The following PLD1 variants were observed in gnomAD, a reference collection of about 807,000 sequenced individuals.
PLD1 encodes the protein choline phosphatase 1.
A neutral mutation model predicts 137.1 loss-of-function variants in PLD1; 112 were observed. The observed-to-expected ratio is 0.82, with a 90% CI of 0.70 to 0.96. The LOEUF (loss-of-function observed/expected upper bound fraction) is 0.96. Among genes scored for constraint, PLD1 ranks in the 40% least tolerant of loss-of-function variants. PLD1 has a pLI of 0.00. For missense variants in PLD1, 1,321 were observed against 1,342.0 expected, an observed-to-expected ratio of 0.98 and a Z score of 0.24; for synonymous variants, 431 against 454.7, an observed-to-expected ratio of 0.95 and a Z score of 0.66.
intron 23 of PLD1, among the ~76,000 whole-genome samples, chr3:171,624,667 A>C (rs1560154827): frequency 2.0e-5 from 3 of 152,170 alleles, no homozygotes; most frequent in African/African-American, 4.8e-5. Context: ...ACAGTGATTG[A>C]ATAAACGCAA....
Position 171,688,828 on chromosome 3 carries a change from G to T in PLD1, c.1387C>A (p.His463Asn). The change falls in exon 14 of 27, where the codon CAC becomes AAC. Residue 463 changes from histidine to asparagine, a missense_variant. His to Asn is a moderately conservative substitution (Grantham distance 68). Transcript: ENST00000351298. ...HVSSTVYLWA[H>N]HEKLVIIDQS... is the part of the protein sequence containing the mutation. ...TCAATGATGACAAGCTTCTCATGGT[G>T]AGCCCACAAATAGACGGTGGATGAC... The T allele has an allele frequency of 6.2e-7, 1 of 1,614,044 alleles. No individual in the cohort carries two copies. The highest frequency in any genetic ancestry group is 8.5e-7 in the Non-Finnish European group (1 of 1,180,002).
intron 12 of PLD1, among the ~76,000 whole-genome samples, chr3:171,697,190 T>A (rs1411239225): frequency 2.7e-5 from 4 of 150,240 alleles, no homozygotes; most frequent in African/African-American, 9.7e-5. Context: ...GCTTTCTGAA[T>A]CAGCTCTTCC....
intron 21 of PLD1, among the ~76,000 whole-genome samples, chr3:171,650,865 C>G (rs973070421): frequency 1.8e-4 from 27 of 151,644 alleles, no homozygotes; most frequent in African/African-American, 6.5e-4. Flanking sequence ...CGGCACTGCA[C>G]TCCAGCAGCC....
At chr3:171,620,347 T>C (rs749452778) in intron 24 of PLD1, 39 bp downstream of exon 24, 2 of 1,452,792 alleles carry the variant, frequency 1.4e-6, no homozygotes, top group Admixed American at 3.9e-5. Context: ...GTAAGTCAAC[T>C]GGCAAGGAAT....
At chr3:171,734,624 A>G (rs145825342) in intron 5 of PLD1, among the ~76,000 whole-genome samples, 2 of 152,290 alleles carry the variant, frequency 1.3e-5, no homozygotes, top group African/African-American at 4.8e-5. Flanking sequence ...AGCAGGGAGA[A>G]CAGCTTCTTC....
At chr3:171,716,592 G>GT (rs776309379) in intron 8 of PLD1, among the ~76,000 whole-genome samples, 3 of 151,808 alleles carry the variant, frequency 2.0e-5, no homozygotes, top group East Asian at 1.9e-4. Context: ...GGAATTTTTT[G>GT]TTTTTTTGCT....
At chr3:171,789,774 G>A (rs1276121198) in intron 1 of PLD1, 2 of 152,208 alleles carry the variant, frequency 1.3e-5, no homozygotes, top group South Asian at 2.1e-4. Flanking sequence ...GATTTTAGCC[G>A]ATAATGGTAG....
At chr3:171,626,833 A>G (rs1001213236) in intron 23 of PLD1, among the ~76,000 whole-genome samples, 1 of 152,218 alleles carries the variant, frequency 6.6e-6, no homozygotes, top group Non-Finnish European at 1.5e-5. Flanking sequence ...GGCCTGCCCT[A>G]AAAGAGCTCC....
intron 16 of PLD1, among the ~76,000 whole-genome samples, chr3:171,679,367 C>T (rs1288033712): frequency 2.0e-5 from 3 of 152,118 alleles, no homozygotes; most frequent in Admixed American, 2.0e-4. Flanking sequence ...TGACTTCTCC[C>T]AGTGATTTAT....
rs555891717 is a variant in PLD1 at position 171,636,308 on chromosome 3, C to T, written c.2593+6532G>A. On this transcript the variant is annotated intron_variant, in intron 23 of 26. Coordinates refer to ENST00000351298, the MANE Select transcript of PLD1 (RefSeq NM_002662.5). ...TTTCAGATTAGCTTGTCAATTTTTTCAAAAAGGTAGTTGGGGTTTTGGTAG... is the reference window on the plus strand; with the variant it reads ...TTTCAGATTAGCTTGTCAATTTTTTTAAAAAGGTAGTTGGGGTTTTGGTAG... 7.5e-4 allele frequency among the ~76,000 whole-genome samples: 114 copies of T among 151,922 alleles called. 1 individual carries two copies. The highest frequency in any genetic ancestry group is 1.3e-3 in the Non-Finnish European group (86 of 67,902).
At chr3:171,760,112 C>T (rs368067037) in intron 1 of PLD1, among the ~76,000 whole-genome samples, 5 of 151,426 alleles carry the variant, frequency 3.3e-5, no homozygotes, top group South Asian at 4.2e-4. Flanking sequence ...TATTTATTCC[C>T]GTTTTAAAAA....
At chr3:171,638,943 G>A (rs957696083) in intron 23 of PLD1, among the ~76,000 whole-genome samples, 1 of 151,966 alleles carries the variant, frequency 6.6e-6, no homozygotes, top group African/African-American at 2.4e-5. Context: ...TTTGATTCTT[G>A]CTTTTCTGCT....
chr3:171,810,403 A>C lies in PLD1; in HGVS notation c.-36T>G, dbSNP rs1015006165. ...GGGTCTCGGCGCGGCTCCTACCTGC[A>C]GGGCGAAGGGGCCGCTAGCACCTGC... On this transcript the variant is annotated 5_prime_UTR_variant, in exon 1 of 27. Transcript: ENST00000351298. 2.0e-5 allele frequency: 3 copies of C among 152,220 alleles called. No individual in the cohort carries two copies. Among genetic ancestry groups the C allele is most frequent in the African/African-American group, 7.2e-5 (3 of 41,442 alleles). The allele number at this position is 152,220 out of a possible 1,614,324, so 9.4% of individuals were successfully genotyped here. A position where few individuals can be genotyped will look rare whatever the true frequency, so the allele number is the denominator to read the frequency against.
At chr3:171,656,165 T>TTTATTTATTTATTTAC (rs2108420012) in intron 21 of PLD1, among the ~76,000 whole-genome samples, 1 of 150,676 alleles carries the variant, frequency 6.6e-6, no homozygotes, top group African/African-American at 2.4e-5. Flanking sequence ...ATTTTATTTA[T>TTTATTTATTTATTTAC]TTATTTATTT....
chr3:171,649,905 G>A (rs1026067751), intron 21 of PLD1, among the ~76,000 whole-genome samples: 4 of 152,136 alleles, frequency 2.6e-5, no homozygotes, highest in African/African-American at 4.8e-5. Flanking sequence ...AAAAATGACC[G>A]CTATGAAGGC....
chr3:171,662,237 A>G, intron 19 of PLD1, 67 bp from the exon 20 acceptor site: 1 of 871,520 alleles, frequency 1.1e-6, no homozygotes, highest in East Asian at 2.4e-5. Context: ...TATTAATACA[A>G]TGAAGTCACT....
intron 12 of PLD1, among the ~76,000 whole-genome samples, chr3:171,692,731 G>A (rs763006453): frequency 2.0e-5 from 3 of 152,046 alleles, no homozygotes; most frequent in Non-Finnish European, 4.4e-5. Context: ...ATGTTGGCCA[G>A]GCTGGTCTCA....
At chr3:171,642,209 C>G (rs935314833) in intron 23 of PLD1, among the ~76,000 whole-genome samples, 1 of 152,146 alleles carries the variant, frequency 6.6e-6, no homozygotes, top group African/African-American at 2.4e-5. Context: ...AATCCCAGCA[C>G]TTTGGGAGGC....
chr3:171,724,583 A>C, intron 8 of PLD1, 113 bp downstream of exon 8: 2 of 647,270 alleles, frequency 3.1e-6, no homozygotes, highest in Non-Finnish European at 5.5e-6. Flanking sequence ...ATAATTAAAA[A>C]TTTGTTCTGC....
Sources: gnomAD v4.1 joint callset for allele counts (sites outside exome capture counted in the v4.1 genomes callset) on GRCh38, gnomAD v4.1.1 for gene constraint, MANE v1.5 for transcripts, NCBI Gene and HGNC (gene_info 2026-07-23, HGNC 2026-07-21) for gene names.